Variants in CNNM1 observed in about 807,000 individuals in gnomAD.
CNNM1 encodes the protein metal transporter CNNM1.
Under a neutral mutation model 78.8 loss-of-function variants are expected in CNNM1, and 44 were observed. The observed-to-expected ratio is 0.56, with a 90% CI of 0.44 to 0.72. The LOEUF (loss-of-function observed/expected upper bound fraction) is 0.72. Ranked by LOEUF, CNNM1 falls within the 30% of genes least tolerant of loss-of-function variation. The pLI is 0.00. For missense variants in CNNM1, 1,101 were observed against 1,292.2 expected (o/e 0.85, Z 2.27); for synonymous variants, 584 against 581.5 (o/e 1.00, Z -0.06).
chr10:99,343,010 G>C (rs2030522599), intron 1 of CNNM1, among the ~76,000 whole-genome samples: 1 of 151,572 alleles, frequency 6.6e-6, no homozygotes, highest in African/African-American at 2.4e-5. Context: ...TTGTCGCCCA[G>C]GCTGGAGTGC....
At chr10:99,391,308 A>G in intron 10 of CNNM1, 129 bp from the exon 11 acceptor site, 1 of 660,158 alleles carries the variant, frequency 1.5e-6, no homozygotes, top group South Asian at 1.9e-5. Flanking sequence ...AATGCCGGTT[A>G]GTTCTAACCA....
At chr10:99,376,984 TCTCC>T in intron 6 of CNNM1, 67 bp from the exon 7 acceptor site, 4 of 1,307,826 alleles carry the variant, frequency 3.1e-6, no homozygotes, top group East Asian at 2.6e-5. Flanking sequence ...TCCTTCCCTG[TCTCC>T]CTCCCTCCCC....
chr10:99,358,492 C>A (rs10509734), intron 2 of CNNM1, among the ~76,000 whole-genome samples: 69,174 of 152,044 alleles, frequency 0.45, 18,638 homozygotes, highest in Non-Finnish European at 0.6. Context: ...TCGTTTCAGA[C>A]TTTGGTCCTT....
At chr10:99,361,666 C>T (rs2031438865) in intron 3 of CNNM1, among the ~76,000 whole-genome samples, 1 of 152,056 alleles carries the variant, frequency 6.6e-6, no homozygotes, top group Non-Finnish European at 1.5e-5. Flanking sequence ...TAACTACTTC[C>T]CAGAGCCTAT....
intron 1 of CNNM1, among the ~76,000 whole-genome samples, chr10:99,342,611 A>G (rs942795859): frequency 3.4e-4 from 52 of 152,154 alleles, no homozygotes; most frequent in African/African-American, 1.3e-3. Context: ...TTGGTAGAAT[A>G]ACATTTTTGT....
At chr10:99,347,807 CT>C (rs1173550457) in intron 1 of CNNM1, among the ~76,000 whole-genome samples, 1 of 150,312 alleles carries the variant, frequency 6.7e-6, no homozygotes, top group Non-Finnish European at 1.5e-5. Flanking sequence ...AATGCATGAC[CT>C]TTACACCCTG....
chr10:99,352,865 T>C (rs763841830), intron 1 of CNNM1, among the ~76,000 whole-genome samples: 3 of 152,196 alleles, frequency 2.0e-5, no homozygotes, highest in Admixed American at 1.3e-4. Context: ...GAAGTCCATT[T>C]GATCTATTTT....
chr10:99,347,351 T>C (rs919286150), intron 1 of CNNM1, among the ~76,000 whole-genome samples: 3 of 151,736 alleles, frequency 2.0e-5, no homozygotes, highest in African/African-American at 7.3e-5. Context: ...AAACCCCATC[T>C]CTACTAAAAA....
chr10:99,353,345 C>T lies in CNNM1; in HGVS notation c.1574-4167C>T, dbSNP rs562494919. 2.0e-5 allele frequency among the ~76,000 whole-genome samples: 3 copies of T among 152,240 alleles called. 1 individual carries two copies. The South Asian group carries it at 6.2e-4, about 32-fold the overall frequency. On this transcript the variant is annotated intron_variant, in intron 1 of 10. Transcript: ENST00000356713. ...GGATCACATATAAATAGAAAACAACCAAGGTCAAATAATGTGTGTGCAATG... is the reference window on the plus strand; with the variant it reads ...GGATCACATATAAATAGAAAACAACTAAGGTCAAATAATGTGTGTGCAATG...
At chr10:99,377,601 G>A (rs1234890429) in intron 7 of CNNM1, among the ~76,000 whole-genome samples, 2 of 152,178 alleles carry the variant, frequency 1.3e-5, no homozygotes, top group Non-Finnish European at 2.9e-5. Flanking sequence ...GTTTGCAGGT[G>A]ATTAATAAAC....
chr10:99,330,590 G>T lies in CNNM1; in HGVS notation c.1203G>T (p.Leu401Phe). Reference protein sequence around the residue: ...FYTREKLLETLRAADPYSDLV... With the variant: ...FYTREKLLETFRAADPYSDLV... ...CGCGGGAGAAGTTGCTGGAGACGTT[G>T]CGGGCCGCAGACCCCTACAGTGACC... is the stretch of plus-strand genomic sequence containing the variant. Residue 401 changes from leucine (L) to phenylalanine (F), a missense_variant, in exon 1 of 11, where the codon TTG becomes TTT. Around this residue, in one of 3 missense-constraint regions of CNNM1, gnomAD observed 277 missense variants for 423.2 expected, o/e 0.65. Coordinates refer to ENST00000356713, the MANE Select transcript of CNNM1 (RefSeq NM_020348.3). The T allele has an allele frequency of 6.2e-7, 1 of 1,612,304 alleles. No homozygotes were observed.
intron 2 of CNNM1, among the ~76,000 whole-genome samples, chr10:99,358,531 TG>T (rs1209861618): frequency 6.6e-6 from 1 of 152,148 alleles, no homozygotes; most frequent in Non-Finnish European, 1.5e-5. Context: ...TTTCAGAAAC[TG>T]GCTCCTGGTA....
intron 7 of CNNM1, among the ~76,000 whole-genome samples, chr10:99,380,716 G>A (rs2032116860): frequency 6.6e-6 from 1 of 151,748 alleles, no homozygotes; most frequent in African/African-American, 2.4e-5. Flanking sequence ...ACTTGAACCT[G>A]GGAGGCGGAG....
rs769668641 is a variant in CNNM1, at chr10:99,330,772, C to A, written c.1385C>A (p.Thr462Asn). Reference sequence around the variant, plus strand: ...TCCGAGATCCTGCGCAGCGGCTACACTCGCATCCCAGTGTACGAGGGTGAC... The same window carrying A: ...TCCGAGATCCTGCGCAGCGGCTACAATCGCATCCCAGTGTACGAGGGTGAC... Reference protein sequence around the residue: ...TVSEILRSGYTRIPVYEGDQR... With the variant: ...TVSEILRSGYNRIPVYEGDQR... Residue 462 changes from threonine to asparagine, a missense_variant, in exon 1 of 11, where the codon ACT becomes AAT. Around this residue, in one of 3 missense-constraint regions of CNNM1, gnomAD observed 277 missense variants for 423.2 expected, o/e 0.65. Coordinates refer to ENST00000356713, the MANE Select transcript of CNNM1 (RefSeq NM_020348.3). 1 of 1,614,136 alleles carries A rather than the reference C, an allele frequency of 6.2e-7. No individual in the cohort carries two copies. Among genetic ancestry groups the A allele is most frequent in the Non-Finnish European group, 8.5e-7 (1 of 1,179,976 alleles).
At chr10:99,332,650 G>C (rs1341875931) in intron 1 of CNNM1, among the ~76,000 whole-genome samples, 1 of 152,088 alleles carries the variant, frequency 6.6e-6, no homozygotes, top group East Asian at 1.9e-4. Flanking sequence ...TCTTTTTCCT[G>C]CCACAATTTT....
In CNNM1 at chr10:99,365,001, T is replaced by C; in HGVS notation, c.2175T>C (p.Phe725=). The C allele has an allele frequency of 6.2e-7, 1 of 1,613,924 alleles. No homozygotes were observed. Among genetic ancestry groups the C allele is most frequent in the Non-Finnish European group, 8.5e-7 (1 of 1,179,850 alleles). ...KVGSLAGSSV[F]LNRSPSRCSG... is the part of the protein sequence containing the mutation. Reference sequence around the variant, plus strand: ...GAAGTCTGGCTGGATCTTCTGTCTTTCGTATGTATCTCTCAAACCCCTTCC... The same window carrying C: ...GAAGTCTGGCTGGATCTTCTGTCTTCCGTATGTATCTCTCAAACCCCTTCC... Residue 725 remains phenylalanine, a splice_region_variant and synonymous_variant, in exon 6 of 11, where the codon TTT becomes TTC. Coordinates refer to ENST00000356713, the MANE Select transcript of CNNM1 (RefSeq NM_020348.3).
chr10:99,347,458 T>C (rs1376637641), intron 1 of CNNM1, among the ~76,000 whole-genome samples: 1 of 151,860 alleles, frequency 6.6e-6, no homozygotes, highest in Admixed American at 6.6e-5. Context: ...AGGCGGAGGT[T>C]GCAGTGAGCC....
At chr10:99,353,309 G>C (rs1001393857) in intron 1 of CNNM1, among the ~76,000 whole-genome samples, 4 of 152,124 alleles carry the variant, frequency 2.6e-5, no homozygotes, top group Non-Finnish European at 5.9e-5. Flanking sequence ...TACCCTCACG[G>C]GTGGGGGTGG....
Position 99,393,537 on chromosome 10 carries a change from C to G in CNNM1, c.*2021C>G, listed in dbSNP as rs2032535552. On this transcript the variant is annotated 3_prime_UTR_variant, in exon 11 of 11. Coordinates refer to ENST00000356713, the MANE Select transcript of CNNM1 (RefSeq NM_020348.3). ...AACAGACAAACAAAAAAAAACACTA[C>G]TATTTTAAATAGTGGAACTTTCAGC... 1 of 152,590 alleles carries G rather than the reference C, an allele frequency of 6.6e-6. No homozygotes were observed. The allele number at this position is 152,590 out of a possible 1,614,324, so 9.5% of individuals were successfully genotyped here.
Sources: allele counts gnomAD v4.1 joint callset (sites outside exome capture counted in the v4.1 genomes callset), GRCh38; gene constraint gnomAD v4.1.1; regional missense constraint gnomAD v4.1.1; transcripts MANE v1.5; gene names NCBI Gene and HGNC (gene_info 2026-07-23, HGNC 2026-07-21).